Variants in ZRANB3 observed in about 807,000 individuals in gnomAD.
The protein encoded by ZRANB3 is DNA annealing helicase and endonuclease ZRANB3.
A neutral mutation model predicts 133.8 loss-of-function variants in ZRANB3; 125 were observed. That is an observed-to-expected ratio of 0.93 (90% confidence interval 0.81 to 1.08). The LOEUF (loss-of-function observed/expected upper bound fraction) is 1.08, where lower values mean the gene tolerates loss of function less well. Among genes scored for constraint, ZRANB3 ranks in the 50% least tolerant of loss-of-function variants. The pLI is 0.00. For missense variants in ZRANB3, 1,229 were observed against 1,275.5 expected, an observed-to-expected ratio of 0.96 and a Z score of 0.56; for synonymous variants, 387 against 432.7, an observed-to-expected ratio of 0.89 and a Z score of 1.31.
rs550870907 is a variant in ZRANB3, at chr2:135,397,026, C to T, written c.162-6206G>A. ...CCTGTAGTCTCAGCTACTAGGGATGCTGAGGCAGGAGGATCCCTTGAGCCC... is the reference window on the plus strand; with the variant it reads ...CCTGTAGTCTCAGCTACTAGGGATGTTGAGGCAGGAGGATCCCTTGAGCCC... On this transcript the variant is annotated intron_variant, in intron 2 of 20. Coordinates refer to ENST00000264159, the MANE Select transcript of ZRANB3 (RefSeq NM_032143.4). Among the ~76,000 whole-genome samples, 15 of 152,190 alleles carry T rather than the reference C, an allele frequency of 9.9e-5. No individual in the cohort carries two copies. The East Asian group carries it at 2.9e-3, about 29-fold the overall frequency.
At chr2:135,479,214 C>T (rs1691646968) in intron 2 of ZRANB3, among the ~76,000 whole-genome samples, 1 of 151,898 alleles carries the variant, frequency 6.6e-6, no homozygotes. Context: ...ATATGTTCAC[C>T]AACGCAACTT....
chr2:135,405,476 G>T (rs998685465), intron 2 of ZRANB3, among the ~76,000 whole-genome samples: 1 of 152,148 alleles, frequency 6.6e-6, no homozygotes, highest in African/African-American at 2.4e-5. Flanking sequence ...GGACCTAATA[G>T]ACATCTACAG....
At chr2:135,401,211 G>A (rs1282715995) in intron 2 of ZRANB3, among the ~76,000 whole-genome samples, 1 of 149,836 alleles carries the variant, frequency 6.7e-6, no homozygotes, top group Non-Finnish European at 1.5e-5. Context: ...CGAGGGAACT[G>A]ATTTCTTTTA....
At chr2:135,308,655 G>A (rs1408523594) in intron 8 of ZRANB3, among the ~76,000 whole-genome samples, 1 of 151,882 alleles carries the variant, frequency 6.6e-6, no homozygotes, top group Non-Finnish European at 1.5e-5. Context: ...GAATAGAGAC[G>A]AGGTCTTCCT....
intron 4 of ZRANB3, 70 bp from the exon 5 acceptor site, chr2:135,350,285 T>C: frequency 8.6e-7 from 1 of 1,168,916 alleles, no homozygotes; most frequent in Non-Finnish European, 1.2e-6. Flanking sequence ...TACAACTCTC[T>C]TGGGAAAAAA....
chr2:135,406,084 T>A (rs1246792953), intron 2 of ZRANB3, among the ~76,000 whole-genome samples: 1 of 151,496 alleles, frequency 6.6e-6, no homozygotes, highest in African/African-American at 2.4e-5. Flanking sequence ...GCAAGACTAA[T>A]AAAGAAGAAA....
chr2:135,340,851 G>A (rs902190474), intron 6 of ZRANB3, among the ~76,000 whole-genome samples: 6 of 142,380 alleles, frequency 4.2e-5, no homozygotes, highest in African/African-American at 9.3e-5. Flanking sequence ...GTGAGATTCC[G>A]TCTCAAAAAA....
intron 12 of ZRANB3, among the ~76,000 whole-genome samples, chr2:135,236,834 G>C (rs192936408): frequency 6.6e-6 from 1 of 152,174 alleles, no homozygotes; most frequent in Admixed American, 6.5e-5. Context: ...AACCATAAAA[G>C]CCCTAGAAGA....
rs922401762 is a variant in ZRANB3, at chr2:135,504,071, A to G, written c.161+258T>C. On this transcript the variant is annotated intron_variant, in intron 2 of 20. Coordinates refer to ENST00000264159, the MANE Select transcript of ZRANB3 (RefSeq NM_032143.4). ...ATACATTCTAGAAAACTGTCAATAT[A>G]TGAGTTGCTGAGAGTATCTGATAAC... 1.5e-5 allele frequency: 7 copies of G among 475,086 alleles called. No individual in the cohort carries two copies. In the East Asian group the frequency reaches 3.0e-4, roughly 21 times the overall value. The allele number at this position is 475,086 out of a possible 1,614,324, so 29.4% of individuals were successfully genotyped here.
intron 12 of ZRANB3, among the ~76,000 whole-genome samples, chr2:135,238,113 G>C (rs551898400): frequency 6.6e-6 from 1 of 152,268 alleles, no homozygotes; most frequent in South Asian, 2.1e-4. Context: ...ATTAGAGTAA[G>C]TAGGATACCT....
intron 6 of ZRANB3, among the ~76,000 whole-genome samples, chr2:135,341,603 G>A (rs111326519): frequency 6.7e-6 from 1 of 149,988 alleles, no homozygotes; most frequent in African/African-American, 2.5e-5. Context: ...CTGACTGCTT[G>A]GGAGCCAGGC....
At position 135,392,355 on chromosome 2, in the gene ZRANB3, A is replaced by AAGGG. The variant is rs764736324; in HGVS notation, c.162-1536_162-1535insCCCT. Among the ~76,000 whole-genome samples, 6 of 81,990 alleles carry AAGGG rather than the reference A, an allele frequency of 7.3e-5. No homozygotes were observed. The East Asian group carries it at 1.5e-3, about 20-fold the overall frequency. 53.8% of individuals were successfully genotyped at this position (81,990 alleles called of 152,430 possible). A position where few individuals can be genotyped will look rare whatever the true frequency, so the allele number is the denominator to read the frequency against. ...AAAATGAAAATACAAAAAAAAAAAA[A>AAGGG]GGGGGGGGGGGCAGGAAAAAAACTT... On this transcript the variant is annotated intron_variant, in intron 2 of 20. Coordinates refer to ENST00000264159, the MANE Select transcript of ZRANB3 (RefSeq NM_032143.4).
At chr2:135,301,741 C>T (rs1682440658) in intron 8 of ZRANB3, among the ~76,000 whole-genome samples, 1 of 152,154 alleles carries the variant, frequency 6.6e-6, no homozygotes, top group African/African-American at 2.4e-5. Context: ...TTTCCTGCAC[C>T]CTCAAGACTG....
At chr2:135,312,741 C>T (rs1030431397) in intron 8 of ZRANB3, among the ~76,000 whole-genome samples, 1 of 151,948 alleles carries the variant, frequency 6.6e-6, no homozygotes, top group Non-Finnish European at 1.5e-5. Flanking sequence ...ATAGTTCGGG[C>T]ACGGTGGCTT....
At chr2:135,239,320 G>A (rs1450223839) in intron 12 of ZRANB3, among the ~76,000 whole-genome samples, 1 of 151,894 alleles carries the variant, frequency 6.6e-6, no homozygotes, top group Non-Finnish European at 1.5e-5. Context: ...TGGAAATACT[G>A]GTGGTGGGTG....
chr2:135,265,047 C>G (rs1318042239), intron 12 of ZRANB3, among the ~76,000 whole-genome samples: 2 of 152,144 alleles, frequency 1.3e-5, no homozygotes, highest in East Asian at 3.9e-4. Flanking sequence ...CCATGCCCAG[C>G]TCTTTGCCTA....
chr2:135,483,962 C>G (rs1439097718), intron 2 of ZRANB3, among the ~76,000 whole-genome samples: 3 of 152,150 alleles, frequency 2.0e-5, no homozygotes, highest in Non-Finnish European at 1.5e-5. Flanking sequence ...TTTGATTGCA[C>G]TGTGGTCTGA....
intron 12 of ZRANB3, among the ~76,000 whole-genome samples, chr2:135,245,294 G>C (rs757041960): frequency 2.0e-5 from 3 of 152,152 alleles, no homozygotes; most frequent in Non-Finnish European, 4.4e-5. Context: ...TCTGATTGTA[G>C]CCTCTGGGCA....
chr2:135,443,753 G>C (rs890166574), intron 2 of ZRANB3, among the ~76,000 whole-genome samples: 2 of 151,754 alleles, frequency 1.3e-5, no homozygotes, highest in African/African-American at 4.8e-5. Flanking sequence ...GAAGGATAAG[G>C]AAAGATTAAG....
Sources: gnomAD v4.1 joint callset for allele counts (sites outside exome capture counted in the v4.1 genomes callset) on GRCh38, gnomAD v4.1.1 for gene constraint, MANE v1.5 for transcripts, NCBI Gene and HGNC (gene_info 2026-07-23, HGNC 2026-07-21) for gene names.